Variants in ADD1 observed in about 807,000 individuals in gnomAD.
ADD1 encodes the protein adducin 1.
In ADD1, 24 loss-of-function variants were observed where a neutral mutation model predicts 80.5. The ratio of observed to expected loss-of-function variants is 0.30; its 90% CI spans 0.22 to 0.42. ADD1 has a LOEUF of 0.42. Ranked by LOEUF, ADD1 falls within the 10% of genes least tolerant of loss-of-function variation. The probability of loss-of-function intolerance (pLI) is 1.00; values close to 1 mark genes in which losing one functional copy is unlikely to be tolerated. For synonymous variants in ADD1, 373 were observed against 393.8 expected (o/e 0.95, Z 0.63); for missense variants, 948 against 1,019.0 (o/e 0.93, Z 0.95).
rs765316520 is a variant in ADD1, at chr4:2,898,427, C to T, written c.886-6C>T. On this transcript the variant is annotated splice_polypyrimidine_tract_variant and splice_region_variant and intron_variant, in intron 7 of 15. Coordinates refer to ENST00000683351, the MANE Select transcript of ADD1 (RefSeq NM_001354761.2). ...AGCTCCACAGAGCATTCATGCTTCC[C>T]CTCAGGTTCTTATTCTCCGGAACCA... The T allele has an allele frequency of 6.2e-7, 1 of 1,614,042 alleles. No homozygotes were observed. The highest frequency in any genetic ancestry group is 1.1e-5 in the South Asian group (1 of 91,084).
intron 1 of ADD1, among the ~76,000 whole-genome samples, chr4:2,851,823 C>T (rs1489705385): frequency 1.3e-5 from 2 of 152,020 alleles, no homozygotes; most frequent in Non-Finnish European, 2.9e-5. Context: ...TGACCCCCAC[C>T]ATCCGGATAC....
chr4:2,908,975 A>C (rs17834108), intron 12 of ADD1: 23,702 of 438,268 alleles, frequency 0.054, 812 homozygotes, highest in South Asian at 0.086. Context: ...GTCTGCAACA[A>C]AGTGCTGCTT....
intron 1 of ADD1, among the ~76,000 whole-genome samples, chr4:2,873,346 A>C (rs1253907145): frequency 3.9e-5 from 6 of 152,252 alleles, no homozygotes; most frequent in Non-Finnish European, 7.3e-5. Flanking sequence ...TGAAACCTGC[A>C]GTCATAATTG....
intron 1 of ADD1, among the ~76,000 whole-genome samples, chr4:2,847,350 G>A (rs1229823096): frequency 2.0e-5 from 3 of 152,062 alleles, no homozygotes; most frequent in African/African-American, 7.2e-5. Context: ...GAACCCAGGA[G>A]GCGGAGGTCG....
intron 1 of ADD1, among the ~76,000 whole-genome samples, chr4:2,858,231 A>G (rs1156660946): frequency 2.0e-5 from 3 of 152,244 alleles, no homozygotes; most frequent in Non-Finnish European, 1.5e-5. Flanking sequence ...AGATTCAGTC[A>G]GTCTTTAAAG....
Position 2,928,878 on chromosome 4 carries a change from G to A in ADD1, c.*355G>A, listed in dbSNP as rs1011131520. On this transcript the variant is annotated 3_prime_UTR_variant, in exon 16 of 16. Coordinates refer to ENST00000683351, the MANE Select transcript of ADD1 (RefSeq NM_001354761.2). ...CCTTTCCTGCCGTCCCTCCTGTTGT[G>A]AAATCACCACATTCTGTCTCTGCTT... 11 of 249,466 alleles carry A rather than the reference G, an allele frequency of 4.4e-5. No individual in the cohort carries two copies. Among genetic ancestry groups the A allele is most frequent in the African/African-American group, 2.1e-4 (9 of 43,642 alleles). 15.5% of individuals were successfully genotyped at this position (249,466 alleles called of 1,614,324 possible).
chr4:2,888,234 G>T (rs1733711611), intron 4 of ADD1, among the ~76,000 whole-genome samples: 1 of 151,410 alleles, frequency 6.6e-6, no homozygotes, highest in South Asian at 2.1e-4. Context: ...GCACCACCAT[G>T]CCACTAGCTG....
chr4:2,889,831 G>T (rs953918778), intron 4 of ADD1, among the ~76,000 whole-genome samples: 7 of 147,038 alleles, frequency 4.8e-5, no homozygotes, highest in African/African-American at 1.5e-4. Context: ...CAGAAAAAAG[G>T]TAAAAGATAC....
At chr4:2,898,583 G>A in intron 8 of ADD1, 52 bp downstream of exon 8, 3 of 1,511,642 alleles carry the variant, frequency 2.0e-6, no homozygotes, top group East Asian at 2.3e-5. Flanking sequence ...TGTGTCTGGG[G>A]TTCACATAGA....
intron 9 of ADD1, among the ~76,000 whole-genome samples, chr4:2,903,564 C>T (rs1158989157): frequency 6.6e-6 from 1 of 152,214 alleles, no homozygotes; most frequent in East Asian, 1.9e-4. Flanking sequence ...AGGGCTGAAG[C>T]ATTCTTGGCA....
intron 9 of ADD1, among the ~76,000 whole-genome samples, chr4:2,903,139 G>C (rs910979280): frequency 1.3e-5 from 2 of 152,208 alleles, no homozygotes; most frequent in Non-Finnish European, 2.9e-5. Context: ...TCTGAATTGA[G>C]AGGACTGTTT....
At chr4:2,890,809 G>A (rs1734189575) in intron 4 of ADD1, among the ~76,000 whole-genome samples, 1 of 152,038 alleles carries the variant, frequency 6.6e-6, no homozygotes, top group Non-Finnish European at 1.5e-5. Flanking sequence ...CCTTGTATGT[G>A]TGTTTTTAAA....
intron 13 of ADD1, among the ~76,000 whole-genome samples, chr4:2,910,376 T>A (rs568169582): frequency 6.6e-6 from 1 of 152,260 alleles, no homozygotes; most frequent in African/African-American, 2.4e-5. Context: ...TCCCTGCTAA[T>A]AACATTATTT....
intron 14 of ADD1, among the ~76,000 whole-genome samples, chr4:2,923,059 C>G (rs1036809677): frequency 6.6e-6 from 1 of 152,248 alleles, no homozygotes; most frequent in African/African-American, 2.4e-5. Context: ...GCCAGTGGAT[C>G]TTAGCTTGCT....
intron 1 of ADD1, among the ~76,000 whole-genome samples, chr4:2,855,796 G>A (rs1008525542): frequency 6.6e-6 from 1 of 151,576 alleles, no homozygotes; most frequent in Non-Finnish European, 1.5e-5. Context: ...GACCTCCTGA[G>A]CTTTAGTGAT....
intron 1 of ADD1, among the ~76,000 whole-genome samples, chr4:2,863,219 A>ATTTTTTTTT (rs34312305): frequency 2.4e-5 from 3 of 123,762 alleles, no homozygotes; most frequent in Admixed American, 8.5e-5. Flanking sequence ...CTAATTTTTA[A>ATTTTTTTTT]TTTTTTTTTT....
intron 1 of ADD1, among the ~76,000 whole-genome samples, chr4:2,864,638 G>C (rs2108839363): frequency 6.6e-6 from 1 of 152,102 alleles, no homozygotes; most frequent in Admixed American, 6.6e-5. Context: ...CCTTCTGCCA[G>C]GTGGCCCTAT....
intron 13 of ADD1, among the ~76,000 whole-genome samples, chr4:2,912,147 T>C (rs528889049): frequency 6.6e-6 from 1 of 152,338 alleles, no homozygotes; most frequent in East Asian, 1.9e-4. Context: ...CAGTCAAGTA[T>C]GGAAAGTTAC....
chr4:2,848,752 C>A (rs945163651), intron 1 of ADD1, among the ~76,000 whole-genome samples: 7 of 152,026 alleles, frequency 4.6e-5, no homozygotes, highest in Admixed American at 4.6e-4. Context: ...GCTAGGATAA[C>A]AGGCATGAGT....
Sources: gnomAD v4.1 joint callset for allele counts (sites outside exome capture counted in the v4.1 genomes callset) on GRCh38, gnomAD v4.1.1 for gene constraint, MANE v1.5 for transcripts, NCBI Gene and HGNC (gene_info 2026-07-23, HGNC 2026-07-21) for gene names.